The following PCDHGB5 variants were observed in gnomAD, a reference collection of about 807,000 sequenced individuals.
The protein encoded by PCDHGB5 is protocadherin gamma subfamily B, 5.
A neutral mutation model predicts 62.9 loss-of-function variants in PCDHGB5; 48 were observed. That is an observed-to-expected ratio of 0.76 (90% CI 0.61 to 0.97). PCDHGB5 has a LOEUF of 0.97. Among genes scored for constraint, PCDHGB5 ranks in the 50% least tolerant of loss-of-function variants. The pLI is 0.00. For synonymous variants in PCDHGB5, 474 were observed against 511.2 expected (o/e 0.93, Z 0.98); for missense variants, 1,118 against 1,198.6 (o/e 0.93, Z 0.99).
intron 1 of PCDHGB5, chr5:141,409,412 C>T (rs1261631725): frequency 1.2e-6 from 2 of 1,614,032 alleles, no homozygotes; most frequent in Non-Finnish European, 1.7e-6. Flanking sequence ...CTACTACAAA[C>T]TGGTGACAGA....
chr5:141,403,204 G>C, intron 1 of PCDHGB5: 3 of 1,613,952 alleles, frequency 1.9e-6, no homozygotes, highest in Non-Finnish European at 2.5e-6. Flanking sequence ...GCGGCACCTT[G>C]GTCACCGCGG....
Position 141,476,102 on chromosome 5 carries a change from C to G in PCDHGB5, c.2398-18705C>G, listed in dbSNP as rs1488747783. The G allele has an allele frequency of 1.3e-6, 2 of 1,576,940 alleles. No homozygotes were observed. Among genetic ancestry groups the G allele is most frequent in the African/African-American group, 2.7e-5 (2 of 73,926 alleles). ...ACGATCTGGACCCCGCTGAGAGGAA[C>G]TGCTTTTGAGTGAGATGGTCCCAGA... On this transcript the variant is annotated intron_variant, in intron 1 of 3. Transcript: ENST00000617380. The surrounding 1 kb of genome is among the most constrained non-coding windows in gnomAD (Gnocchi z 7.6).
chr5:141,447,301 G>A (rs557269538), intron 1 of PCDHGB5, among the ~76,000 whole-genome samples: 39 of 152,060 alleles, frequency 2.6e-4, no homozygotes, highest in Non-Finnish European at 1.5e-4. Flanking sequence ...CACCACACCC[G>A]GCTAATTTTT....
Position 141,491,984 on chromosome 5 carries a change from C to G in PCDHGB5, c.2398-2823C>G. 1.4e-6 allele frequency: 1 copy of G among 734,256 alleles called. No homozygotes were observed. The highest frequency in any genetic ancestry group is 3.2e-5 in the East Asian group (1 of 31,678). The allele number at this position is 734,256 out of a possible 1,614,324, so 45.5% of individuals were successfully genotyped here. ...AAGGCCGGGGCCTCCTTCGAGCTTC[C>G]GGTGAATTTCGGGCGATTTCCGCGG... On this transcript the variant is annotated intron_variant, in intron 1 of 3. Coordinates refer to ENST00000617380, the MANE Select transcript of PCDHGB5 (RefSeq NM_018925.3). The surrounding 1 kb of genome is among the most constrained non-coding windows in gnomAD (Gnocchi z 6.9).
Position 141,476,845 on chromosome 5 carries a change from C to T in PCDHGB5, c.2398-17962C>T. On this transcript the variant is annotated intron_variant, in intron 1 of 3. Transcript: ENST00000617380. The surrounding 1 kb of genome is among the most constrained non-coding windows in gnomAD (Gnocchi z 7.6). ...TGGACGCGAATGACAATGCGCCTGT[C>T]TTCAACCAGTCCTTGTACCGGGCGC... 1 of 1,613,794 alleles carries T rather than the reference C, an allele frequency of 6.2e-7. No homozygotes were observed. Among genetic ancestry groups the T allele is most frequent in the Non-Finnish European group, 8.5e-7 (1 of 1,180,054 alleles).
intron 1 of PCDHGB5, among the ~76,000 whole-genome samples, chr5:141,484,023 G>A (rs67828357): frequency 0.059 from 8,857 of 150,044 alleles, 313 homozygotes; most frequent in South Asian, 0.11. Context: ...GGTGGGGTGA[G>A]ATCAAGTCTC....
At chr5:141,430,888 T>C (rs1447560622) in intron 1 of PCDHGB5, 5 of 1,605,402 alleles carry the variant, frequency 3.1e-6, no homozygotes, top group Admixed American at 1.7e-5. Context: ...AGAAAGGCTC[T>C]AGGGTGGGCG....
intron 1 of PCDHGB5, chr5:141,414,637 A>G: frequency 5.6e-6 from 9 of 1,613,894 alleles, no homozygotes; most frequent in Non-Finnish European, 6.8e-6. Context: ...CAGCAAAGAG[A>G]ATGCCCAGAT....
chr5:141,420,519 A>G (rs1056198647), intron 1 of PCDHGB5: 1 of 387,066 alleles, frequency 2.6e-6, no homozygotes, highest in African/African-American at 2.1e-5. Flanking sequence ...GAAGTAAAAT[A>G]CCTTTCGGTT....
chr5:141,441,882 C>A, intron 1 of PCDHGB5: 1 of 343,664 alleles, frequency 2.9e-6, no homozygotes, highest in South Asian at 2.6e-5. Context: ...GCTACCTGGT[C>A]ACCAAGGTGG....
Position 141,491,543 on chromosome 5 carries a change from A to G in PCDHGB5, c.2398-3264A>G. 6.2e-7 allele frequency: 1 copy of G among 1,613,842 alleles called. No individual in the cohort carries two copies. The highest frequency in any genetic ancestry group is 8.5e-7 in the Non-Finnish European group (1 of 1,179,982). ...ATGGAGGTGACGCTGCGGCCCACAG[A>G]CTCGCAGAGCCACTGCTACAGGACG... On this transcript the variant is annotated intron_variant, in intron 1 of 3. Coordinates refer to ENST00000617380, the MANE Select transcript of PCDHGB5 (RefSeq NM_018925.3). The surrounding 1 kb of genome is among the most constrained non-coding windows in gnomAD (Gnocchi z 6.9).
rs70988802 is a variant in PCDHGB5 at position 141,450,006 on chromosome 5, C to CTA, written c.2398-44800_2398-44799insAT. ...CACATTGCATTTAGTTGCCATGTCT[C>CTA]TTTTTTTTTTTTTTTTTTGAGACAG... On this transcript the variant is annotated intron_variant, in intron 1 of 3. Coordinates refer to ENST00000617380, the MANE Select transcript of PCDHGB5 (RefSeq NM_018925.3). Among the ~76,000 whole-genome samples the CTA allele has an allele frequency of 6.0e-5, 8 of 132,986 alleles. 1 individual carries two copies. The highest frequency in any genetic ancestry group is 9.5e-5 in the Non-Finnish European group (6 of 62,926). The allele number at this position is 132,986 out of a possible 152,430, so 87.2% of individuals were successfully genotyped here. A position where few individuals can be genotyped will look rare whatever the true frequency, so the allele number is the denominator to read the frequency against.
intron 1 of PCDHGB5, chr5:141,412,903 G>T: frequency 5.3e-6 from 2 of 376,030 alleles, no homozygotes; most frequent in East Asian, 4.2e-5. Flanking sequence ...ACTTTCCATT[G>T]CATGTATCAC....
intron 1 of PCDHGB5, among the ~76,000 whole-genome samples, chr5:141,456,736 G>A (rs1339661302): frequency 1.3e-5 from 2 of 151,924 alleles, no homozygotes; most frequent in Non-Finnish European, 2.9e-5. Context: ...AGGCTGAGGC[G>A]GGAGCATCAT....
rs1421246315 is a variant in PCDHGB5 at position 141,491,880 on chromosome 5, G to A, written c.2398-2927G>A. The A allele has an allele frequency of 1.1e-5, 16 of 1,449,714 alleles. No homozygotes were observed. The highest frequency in any genetic ancestry group is 1.5e-5 in the Non-Finnish European group (16 of 1,096,892). 89.8% of individuals were successfully genotyped at this position (1,449,714 alleles called of 1,614,324 possible). A position where few individuals can be genotyped will look rare whatever the true frequency, so the allele number is the denominator to read the frequency against. ...GCGAAACCAGAGTGGCCGATTAAGGGATGGGGCTCCGAGCACCGGGGGTGG... is the reference window on the plus strand; with the variant it reads ...GCGAAACCAGAGTGGCCGATTAAGGAATGGGGCTCCGAGCACCGGGGGTGG... On this transcript the variant is annotated intron_variant, in intron 1 of 3. Coordinates refer to ENST00000617380, the MANE Select transcript of PCDHGB5 (RefSeq NM_018925.3). The surrounding 1 kb of genome is among the most constrained non-coding windows in gnomAD (Gnocchi z 6.9).
intron 1 of PCDHGB5, among the ~76,000 whole-genome samples, chr5:141,435,134 A>G (rs1190517186): frequency 6.6e-6 from 1 of 152,190 alleles, no homozygotes; most frequent in Non-Finnish European, 1.5e-5. Context: ...GAAAATATAA[A>G]TAAAATTGTG....
intron 2 of PCDHGB5, among the ~76,000 whole-genome samples, chr5:141,497,879 G>A (rs62379207): frequency 4.6e-4 from 70 of 152,244 alleles, no homozygotes; most frequent in Non-Finnish European, 8.2e-4. Flanking sequence ...TGAAATAAGC[G>A]TTAGGATCTA....
At chr5:141,494,758 T>A (rs370692038) in intron 1 of PCDHGB5, 49 bp from the exon 2 acceptor site, 2 of 1,613,800 alleles carry the variant, frequency 1.2e-6, no homozygotes, top group Admixed American at 3.3e-5. Context: ...CGGGTGACAT[T>A]CTAACTTCTC....
In PCDHGB5 at chr5:141,487,135, A is replaced by T; in HGVS notation, c.2398-7672A>T. 6.2e-7 allele frequency: 1 copy of T among 1,613,544 alleles called. No individual in the cohort carries two copies. The highest frequency in any genetic ancestry group is 8.5e-7 in the Non-Finnish European group (1 of 1,179,856). ...TGGTAAAGGATAGTGGTAGTCCACC[A>T]CTCTCTACCTCTGTTACTCTCTTAG... On this transcript the variant is annotated intron_variant, in intron 1 of 3. Transcript: ENST00000617380. The surrounding 1 kb of genome is among the most constrained non-coding windows in gnomAD (Gnocchi z 5.0).
Sources: allele counts gnomAD v4.1 joint callset (sites outside exome capture counted in the v4.1 genomes callset), GRCh38; gene constraint gnomAD v4.1.1; non-coding constraint Gnocchi (gnomAD v3.1); transcripts MANE v1.5; gene names NCBI Gene and HGNC (gene_info 2026-07-23, HGNC 2026-07-21).